The following RRAS2 variants were observed in gnomAD, a reference collection of about 807,000 sequenced individuals.
RRAS2 encodes the protein RAS related 2, also known as ras-related protein R-Ras2.
In RRAS2, 7 loss-of-function variants were observed where a neutral mutation model predicts 27.6. The observed-to-expected ratio is 0.25, with a 90% CI of 0.14 to 0.48. RRAS2 has a LOEUF of 0.48. Ranked by LOEUF, RRAS2 falls within the 20% of genes least tolerant of loss-of-function variation. The pLI, the probability that RRAS2 is intolerant of heterozygous loss-of-function variation, is 0.99. For missense variants in RRAS2, 178 were observed against 256.2 expected, an observed-to-expected ratio of 0.69 and a Z score of 2.08; for synonymous variants, 86 against 90.9, an observed-to-expected ratio of 0.95 and a Z score of 0.31.
intron 4 of RRAS2, among the ~76,000 whole-genome samples, chr11:14,294,179 T>C (rs1330963866): frequency 6.6e-6 from 1 of 152,234 alleles, no homozygotes; most frequent in Non-Finnish European, 1.5e-5. Context: ...CAAGAAATTA[T>C]TACATGCGAA....
chr11:14,284,509 ATGT>A (rs1287877604), intron 4 of RRAS2, among the ~76,000 whole-genome samples: 20 of 152,170 alleles, frequency 1.3e-4, no homozygotes, highest in Admixed American at 1.2e-3. Context: ...CAATTAGGAT[ATGT>A]TGTGTTCAGT....
At chr11:14,355,442 AAGG>A (rs1287392765) in intron 1 of RRAS2, among the ~76,000 whole-genome samples, 5 of 152,230 alleles carry the variant, frequency 3.3e-5, no homozygotes, top group Non-Finnish European at 7.3e-5. Flanking sequence ...GAGCAACAGA[AAGG>A]AGGAGGTAAT....
chr11:14,338,481 T>C (rs555134215), intron 1 of RRAS2, among the ~76,000 whole-genome samples: 12 of 152,348 alleles, frequency 7.9e-5, no homozygotes, highest in African/African-American at 2.9e-4. Flanking sequence ...ATCTACAAGG[T>C]AGCTTGACAC....
intron 1 of RRAS2, among the ~76,000 whole-genome samples, chr11:14,348,881 C>T (rs1482077284): frequency 6.6e-6 from 1 of 152,214 alleles, no homozygotes; most frequent in Non-Finnish European, 1.5e-5. Context: ...TCCTGGCCAT[C>T]TTAGCAGACA....
chr11:14,333,541 A>G (rs1848525153), intron 1 of RRAS2, among the ~76,000 whole-genome samples: 1 of 152,184 alleles, frequency 6.6e-6, no homozygotes, highest in African/African-American at 2.4e-5. Context: ...GCCCACTCTT[A>G]GCTTGTGTCC....
In RRAS2 at chr11:14,358,662, A is replaced by T; in HGVS notation, c.108+101T>A. ...CCCCTGGCCCCGGCCCGGGCCCGCG[A>T]GGCGCCTCTGGGGCGAGGTCGCGGC... On this transcript the variant is annotated intron_variant, in intron 1 of 5. Coordinates refer to ENST00000256196, the MANE Select transcript of RRAS2 (RefSeq NM_012250.6). This position sits in a 1 kb window ranked among gnomAD's most constrained non-coding sequence, Gnocchi z 5.1. The T allele has an allele frequency of 1.0e-6, 1 of 982,668 alleles. No homozygotes were observed. The highest frequency in any genetic ancestry group is 1.2e-6 in the Non-Finnish European group (1 of 824,454). 60.9% of individuals were successfully genotyped at this position (982,668 alleles called of 1,614,324 possible).
At chr11:14,298,808 T>C (rs1847625500) in intron 1 of RRAS2, among the ~76,000 whole-genome samples, 1 of 152,130 alleles carries the variant, frequency 6.6e-6, no homozygotes, top group Non-Finnish European at 1.5e-5. Context: ...CCTCTCAAAA[T>C]TCTAAGAATC....
intron 1 of RRAS2, among the ~76,000 whole-genome samples, chr11:14,312,955 A>C (rs1197182259): frequency 1.3e-5 from 2 of 152,236 alleles, no homozygotes; most frequent in Non-Finnish European, 1.5e-5. Flanking sequence ...ACTTCTCTGA[A>C]AGTGGCTGTC....
chr11:14,279,292 G>A lies in RRAS2; in HGVS notation c.*45C>T, dbSNP rs1554943946. The A allele has an allele frequency of 6.1e-6, 8 of 1,312,320 alleles. No individual in the cohort carries two copies. Among genetic ancestry groups the A allele is most frequent in the African/African-American group, 2.9e-5 (2 of 68,998 alleles). The allele number at this position is 1,312,320 out of a possible 1,614,324, so 81.3% of individuals were successfully genotyped here. ...ATGTAAACTGAGGAGAGAAAGAGAAGATGAGGGCTTTTCCTGGCCGTTGGT... is the reference window on the plus strand; with the variant it reads ...ATGTAAACTGAGGAGAGAAAGAGAAAATGAGGGCTTTTCCTGGCCGTTGGT... On this transcript the variant is annotated 3_prime_UTR_variant, in exon 6 of 6. Coordinates refer to ENST00000256196, the MANE Select transcript of RRAS2 (RefSeq NM_012250.6).
rs183942026 is a variant in RRAS2, at chr11:14,329,117, A to T, written c.108+29646T>A. Among the ~76,000 whole-genome samples, 998 of 150,368 alleles carry T rather than the reference A, an allele frequency of 6.6e-3. 12 individuals are homozygous for T. The highest frequency in any genetic ancestry group is 0.022 in the African/African-American group (898 of 40,992). The stretch of plus-strand genomic sequence containing the variant: ...CACACACGCATATACATATATATAT[A>T]TATTTTTTTTGAGATGGAGTTTCAC... On this transcript the variant is annotated intron_variant, in intron 1 of 5. Coordinates refer to ENST00000256196, the MANE Select transcript of RRAS2 (RefSeq NM_012250.6).
At chr11:14,325,154 C>T (rs1354678271) in intron 1 of RRAS2, among the ~76,000 whole-genome samples, 5 of 152,150 alleles carry the variant, frequency 3.3e-5, no homozygotes, top group Non-Finnish European at 7.3e-5. Context: ...TATCTGAGCC[C>T]TCAAACTTAC....
At chr11:14,295,949 G>A in intron 1 of RRAS2, 94 bp from the exon 2 acceptor site, 3 of 913,422 alleles carry the variant, frequency 3.3e-6, no homozygotes, top group Non-Finnish European at 5.0e-6. Flanking sequence ...GAGGGAGAAG[G>A]ATCACTTGAG....
rs1285709419 is a variant in RRAS2 at position 14,341,628 on chromosome 11, A to G, written c.108+17135T>C. The stretch of plus-strand genomic sequence containing the variant: ...AAATAAAAATAGTTTCCTACTCTGA[A>G]GGAAAACCCCTGAAGAAAACACTTG... On this transcript the variant is annotated intron_variant, in intron 1 of 5. Coordinates refer to ENST00000256196, the MANE Select transcript of RRAS2 (RefSeq NM_012250.6). Among the ~76,000 whole-genome samples the G allele has an allele frequency of 2.0e-5, 3 of 152,218 alleles. No individual in the cohort carries two copies. In the East Asian group the frequency reaches 5.8e-4, roughly 29 times the overall value.
intron 1 of RRAS2, among the ~76,000 whole-genome samples, chr11:14,296,126 A>G (rs2133963957): frequency 1.3e-5 from 2 of 152,200 alleles, no homozygotes; most frequent in Middle Eastern, 6.8e-3. Flanking sequence ...GCTGCAATGA[A>G]CCATGATTGT....
intron 1 of RRAS2, among the ~76,000 whole-genome samples, chr11:14,341,192 A>G (rs1848697228): frequency 6.6e-6 from 1 of 152,252 alleles, no homozygotes; most frequent in Admixed American, 6.5e-5. Flanking sequence ...CTAAAGGAAT[A>G]AATTTCATGA....
At chr11:14,348,803 G>C (rs1554954402) in intron 1 of RRAS2, among the ~76,000 whole-genome samples, 1 of 152,156 alleles carries the variant, frequency 6.6e-6, no homozygotes, top group Non-Finnish European at 1.5e-5. Flanking sequence ...GTAGAGAATA[G>C]TATTAATGGT....
intron 1 of RRAS2, among the ~76,000 whole-genome samples, chr11:14,327,861 G>A (rs910122390): frequency 2.0e-5 from 3 of 152,046 alleles, no homozygotes; most frequent in African/African-American, 4.8e-5. Context: ...CTTTCCATAC[G>A]GCAGGTAATG....
chr11:14,358,641 T>G lies in RRAS2; in HGVS notation c.108+122A>C. The G allele has an allele frequency of 1.0e-6, 1 of 960,672 alleles. No individual in the cohort carries two copies. Among genetic ancestry groups the G allele is most frequent in the African/African-American group, 1.8e-5 (1 of 56,316 alleles). The allele number at this position is 960,672 out of a possible 1,614,324, so 59.5% of individuals were successfully genotyped here. A position where few individuals can be genotyped will look rare whatever the true frequency, so the allele number is the denominator to read the frequency against. On this transcript the variant is annotated intron_variant, in intron 1 of 5. Transcript: ENST00000256196. The surrounding 1 kb of genome is among the most constrained non-coding windows in gnomAD (Gnocchi z 5.1). ...GTCGGCCCCGCGCCCTCCCGCCCCC[T>G]GGCCCCGGCCCGGGCCCGCGAGGCG...
rs1229232864 is a variant in RRAS2, at chr11:14,358,641, T to A, written c.108+122A>T. The A allele has an allele frequency of 2.0e-5, 19 of 960,664 alleles. No individual in the cohort carries two copies. The highest frequency in any genetic ancestry group is 1.1e-4 in the East Asian group (1 of 8,746). 59.5% of individuals were successfully genotyped at this position (960,664 alleles called of 1,614,324 possible). On this transcript the variant is annotated intron_variant, in intron 1 of 5. Transcript: ENST00000256196. This position sits in a 1 kb window ranked among gnomAD's most constrained non-coding sequence, Gnocchi z 5.1. ...GTCGGCCCCGCGCCCTCCCGCCCCC[T>A]GGCCCCGGCCCGGGCCCGCGAGGCG...
Sources: allele counts gnomAD v4.1 joint callset (sites outside exome capture counted in the v4.1 genomes callset), GRCh38; gene constraint gnomAD v4.1.1; non-coding constraint Gnocchi (gnomAD v3.1); transcripts MANE v1.5; gene names NCBI Gene and HGNC (gene_info 2026-07-23, HGNC 2026-07-21).